The following TINAG variants were observed in gnomAD, a reference collection of about 807,000 sequenced individuals.
TINAG encodes the protein tubulointerstitial nephritis antigen.
Under a neutral mutation model 72.7 loss-of-function variants are expected in TINAG, and 83 were observed. That is an observed-to-expected ratio of 1.14 (90% CI 0.96 to 1.37). The LOEUF (loss-of-function observed/expected upper bound fraction) is 1.37, where lower values mean the gene tolerates loss of function less well. TINAG is among the 40% of genes most tolerant of loss of function. The pLI is 0.00. For missense variants in TINAG, 685 were observed against 576.6 expected, an observed-to-expected ratio of 1.19 and a Z score of -1.93; for synonymous variants, 234 against 189.9, an observed-to-expected ratio of 1.23 and a Z score of -1.91.
At chr6:54,385,351 G>A (rs1311064390) in intron 10 of TINAG, among the ~76,000 whole-genome samples, 3 of 151,892 alleles carry the variant, frequency 2.0e-5, no homozygotes, top group African/African-American at 7.2e-5. Context: ...TAGGTAATAA[G>A]AGGATATTAT....
At chr6:54,360,233 T>TC (rs58703678) in intron 9 of TINAG, among the ~76,000 whole-genome samples, 23,815 of 151,568 alleles carry the variant, frequency 0.16, 2,014 homozygotes, top group Non-Finnish European at 0.18. Flanking sequence ...TAGCCTTATT[T>TC]CCCCCCTCTC....
chr6:54,308,120 T>A, upstream of TINAG: 1 of 1,549,684 alleles, frequency 6.5e-7, no homozygotes, highest in Non-Finnish European at 8.7e-7. Context: ...TAATTGCATT[T>A]TTGACTTTTG....
Position 54,343,244 on chromosome 6 carries a change from A to G in TINAG, c.643A>G (p.Thr215Ala). The G allele has an allele frequency of 6.4e-7, 1 of 1,571,626 alleles. No individual in the cohort carries two copies. Among genetic ancestry groups the G allele is most frequent in the Non-Finnish European group, 8.6e-7 (1 of 1,156,532 alleles). ...TCTTTAGGCTTCTTTACCTGCAACA[A>G]CTGATCTTCCAGAGTTTTTTGTTGC... ...NEMTASLPAT[T>A]DLPEFFVASY... Residue 215 changes from threonine (T) to alanine (A), a missense_variant, in exon 5 of 11, where the codon ACT becomes GCT. Coordinates refer to ENST00000259782, the MANE Select transcript of TINAG (RefSeq NM_014464.4).
intron 9 of TINAG, 72 bp from the exon 10 acceptor site, chr6:54,380,454 A>T: frequency 1.6e-6 from 2 of 1,285,560 alleles, no homozygotes; most frequent in Non-Finnish European, 2.2e-6. Flanking sequence ...GAATGACAAT[A>T]ATCTGCATTC....
At chr6:54,379,775 A>C (rs549604982) in intron 9 of TINAG, among the ~76,000 whole-genome samples, 43 of 151,028 alleles carry the variant, frequency 2.8e-4, no homozygotes, top group African/African-American at 8.3e-4. Flanking sequence ...TCTAATTTTT[A>C]TTTTTCTTTT....
At chr6:54,354,756 A>G (rs982899342) in intron 9 of TINAG, 120 bp downstream of exon 9, 2 of 1,154,962 alleles carry the variant, frequency 1.7e-6, no homozygotes, top group Non-Finnish European at 2.4e-6. Flanking sequence ...CAAATGAAAA[A>G]TGATCTAAAC....
intron 4 of TINAG, among the ~76,000 whole-genome samples, chr6:54,331,952 A>G (rs1029500860): frequency 2.0e-5 from 3 of 152,212 alleles, no homozygotes; most frequent in Non-Finnish European, 4.4e-5. Context: ...GCTCAAGAAA[A>G]TAAGAGAAGA....
rs3777659 is a variant in TINAG, at chr6:54,314,704, G to A, written c.355+5799G>A. On this transcript the variant is annotated intron_variant, in intron 1 of 10. Coordinates refer to ENST00000259782, the MANE Select transcript of TINAG (RefSeq NM_014464.4). The stretch of plus-strand genomic sequence containing the variant: ...TTTGAGTCTCAGTTTAAAAGTATGA[G>A]TTGTAATTTTTTAATGTGCTGAAAT... 0.024 allele frequency among the ~76,000 whole-genome samples: 3,681 copies of A among 152,214 alleles called. 273 individuals are homozygous for A. In the East Asian group the frequency reaches 0.3, roughly 12 times the overall value.
At chr6:54,317,823 A>G (rs1784406849) in intron 1 of TINAG, among the ~76,000 whole-genome samples, 1 of 151,954 alleles carries the variant, frequency 6.6e-6, no homozygotes, top group Admixed American at 6.6e-5. Context: ...TCTCTCATCA[A>G]CCCATTCCTA....
chr6:54,308,636 T>A lies in TINAG; in HGVS notation c.86T>A (p.Val29Glu), dbSNP rs1253121289. Residue 29 changes from valine (V) to glutamate (E), a missense_variant, in exon 1 of 11, where the codon GTG (valine) becomes GAG (glutamate). Coordinates refer to ENST00000259782, the MANE Select transcript of TINAG (RefSeq NM_014464.4). ...AAGCAGTATTTATCTCAAAGAGAAG[T>A]GGACCTAGAGGCTTATTTCACTAGG... Reference protein sequence around the residue: ...MEKQYLSQREVDLEAYFTRNH... With the variant: ...MEKQYLSQREEDLEAYFTRNH... 6.2e-7 allele frequency: 1 copy of A among 1,613,788 alleles called. No individual in the cohort carries two copies. The highest frequency in any genetic ancestry group is 1.7e-5 in the Admixed American group (1 of 59,912).
intron 9 of TINAG, among the ~76,000 whole-genome samples, chr6:54,358,117 G>A (rs1283663719): frequency 6.6e-6 from 1 of 151,724 alleles, no homozygotes; most frequent in East Asian, 1.9e-4. Context: ...TGTATATACA[G>A]TTCCTTAGTG....
rs540915718 is a variant in TINAG at position 54,328,430 on chromosome 6, A to T, written c.624+1514A>T. ...AACAGAAAGCAATAGCATCAACATC[A>T]AAAAAAGGACACCCACGCAAAAACC... On this transcript the variant is annotated intron_variant, in intron 4 of 10. Transcript: ENST00000259782. Among the ~76,000 whole-genome samples the T allele has an allele frequency of 3.3e-5, 5 of 152,196 alleles. No homozygotes were observed. The South Asian group carries it at 1.0e-3, about 32-fold the overall frequency.
intron 1 of TINAG, among the ~76,000 whole-genome samples, chr6:54,318,143 C>T (rs920241926): frequency 1.3e-5 from 2 of 152,086 alleles, no homozygotes; most frequent in African/African-American, 4.8e-5. Flanking sequence ...TACACTCTCT[C>T]CAAAAGACTC....
At chr6:54,319,716 T>A (rs1784447301) in intron 1 of TINAG, among the ~76,000 whole-genome samples, 1 of 152,116 alleles carries the variant, frequency 6.6e-6, no homozygotes, top group South Asian at 2.1e-4. Context: ...CCCTATGATT[T>A]TAGGAATAAA....
intron 3 of TINAG, among the ~76,000 whole-genome samples, chr6:54,324,678 G>A (rs529396857): frequency 6.6e-6 from 1 of 152,114 alleles, no homozygotes; most frequent in South Asian, 2.1e-4. Flanking sequence ...TGCTCTATCT[G>A]CTCAACTTGA....
At chr6:54,318,014 AC>A (rs1363101357) in intron 1 of TINAG, among the ~76,000 whole-genome samples, 1 of 151,590 alleles carries the variant, frequency 6.6e-6, no homozygotes, top group Admixed American at 6.6e-5. Flanking sequence ...TTTTCATGAC[AC>A]CACCCTCTCC....
intron 4 of TINAG, among the ~76,000 whole-genome samples, chr6:54,330,827 C>T (rs566742330): frequency 6.6e-6 from 1 of 152,270 alleles, no homozygotes; most frequent in East Asian, 1.9e-4. Context: ...ACTATAAACA[C>T]CTCTATGCAA....
intron 9 of TINAG, among the ~76,000 whole-genome samples, chr6:54,370,132 A>T (rs943080126): frequency 6.6e-6 from 1 of 152,126 alleles, no homozygotes; most frequent in Non-Finnish European, 1.5e-5. Flanking sequence ...GAAGAAAAAG[A>T]AATAAATAAA....
chr6:54,380,107 A>G (rs1763901456), intron 9 of TINAG, among the ~76,000 whole-genome samples: 1 of 152,092 alleles, frequency 6.6e-6, no homozygotes, highest in South Asian at 2.1e-4. Context: ...AAGGACATGA[A>G]CTCACTGTTT....
Sources: allele counts gnomAD v4.1 joint callset (sites outside exome capture counted in the v4.1 genomes callset), GRCh38; gene constraint gnomAD v4.1.1; transcripts MANE v1.5; gene names NCBI Gene and HGNC (gene_info 2026-07-23, HGNC 2026-07-21).